The following GPAT3 variants were observed in gnomAD, a reference collection of about 807,000 sequenced individuals.
GPAT3 encodes the protein 1-AGP acyltransferase 9.
Under a neutral mutation model 58.8 loss-of-function variants are expected in GPAT3, and 53 were observed. That is an observed-to-expected ratio of 0.90 (90% CI 0.72 to 1.13). The LOEUF (loss-of-function observed/expected upper bound fraction) is 1.13, where lower values mean the gene tolerates loss of function less well. Among genes scored for constraint, GPAT3 ranks in the 50% most tolerant of loss-of-function variants. The probability of loss-of-function intolerance (pLI) is 0.00; values close to 1 mark genes in which losing one functional copy is unlikely to be tolerated. For missense variants in GPAT3, 511 were observed against 527.6 expected (o/e 0.97, Z 0.31); for synonymous variants, 197 against 187.4 (o/e 1.05, Z -0.42).
chr4:83,537,317 A>G (rs932822158), intron 1 of GPAT3, among the ~76,000 whole-genome samples: 1 of 152,150 alleles, frequency 6.6e-6, no homozygotes, highest in Non-Finnish European at 1.5e-5. Flanking sequence ...ATGCCATTGA[A>G]AAGGTATATA....
At chr4:83,542,456 T>C (rs1560600191) in intron 1 of GPAT3, among the ~76,000 whole-genome samples, 1 of 152,208 alleles carries the variant, frequency 6.6e-6, no homozygotes. Context: ...AGTTGGGAGA[T>C]TGGCCTCTAT....
intron 11 of GPAT3, among the ~76,000 whole-genome samples, chr4:83,602,011 T>C (rs986208270): frequency 6.6e-6 from 1 of 152,216 alleles, no homozygotes; most frequent in Admixed American, 6.5e-5. Context: ...TGTATTACAC[T>C]GTCTACATTG....
At chr4:83,588,101 C>A in intron 4 of GPAT3, 109 bp from the exon 5 acceptor site, 1 of 855,520 alleles carries the variant, frequency 1.2e-6, no homozygotes, top group Non-Finnish European at 1.9e-6. Flanking sequence ...TACCTGTTCA[C>A]CAGAATAGAA....
chr4:83,539,518 G>A (rs559834379), intron 1 of GPAT3, among the ~76,000 whole-genome samples: 1 of 152,360 alleles, frequency 6.6e-6, no homozygotes, highest in South Asian at 2.1e-4. Flanking sequence ...AAGTTGAAAT[G>A]TGTGTAGGGT....
At position 83,536,527 on chromosome 4, in the gene GPAT3, C is replaced by A; in HGVS notation, c.-96C>A. 6.6e-7 allele frequency: 1 copy of A among 1,516,232 alleles called. No individual in the cohort carries two copies. Among genetic ancestry groups the A allele is most frequent in the South Asian group, 1.3e-5 (1 of 76,006 alleles). The allele number at this position is 1,516,232 out of a possible 1,614,324, so 93.9% of individuals were successfully genotyped here. A position where few individuals can be genotyped will look rare whatever the true frequency, so the allele number is the denominator to read the frequency against. ...AGAGGTGAGTGCCGGGCTCGGCGCTCTGCTCCTGGAGCTCCCGCGGGACTG... is the reference window on the plus strand; with the variant it reads ...AGAGGTGAGTGCCGGGCTCGGCGCTATGCTCCTGGAGCTCCCGCGGGACTG... On this transcript the variant is annotated 5_prime_UTR_variant, in exon 1 of 12. It adds an upstream start codon to the 5' untranslated region. Coordinates refer to ENST00000264409, the MANE Select transcript of GPAT3 (RefSeq NM_032717.5).
intron 6 of GPAT3, among the ~76,000 whole-genome samples, chr4:83,593,347 G>C (rs1726682281): frequency 6.6e-6 from 1 of 151,466 alleles, no homozygotes; most frequent in Non-Finnish European, 1.5e-5. Context: ...GTAGTTTGTA[G>C]TAGAGATGGG....
At chr4:83,580,765 G>T (rs1197263238) in intron 2 of GPAT3, among the ~76,000 whole-genome samples, 1 of 151,940 alleles carries the variant, frequency 6.6e-6, no homozygotes, top group African/African-American at 2.4e-5. Flanking sequence ...TTACTTTTAT[G>T]CAGGAGGCTG....
At chr4:83,603,623 T>A (rs1296284507) in intron 11 of GPAT3, among the ~76,000 whole-genome samples, 2 of 151,966 alleles carry the variant, frequency 1.3e-5, no homozygotes, top group Non-Finnish European at 2.9e-5. Flanking sequence ...AAACCCTGTC[T>A]CTATTAAAAA....
rs114972171 is a variant in GPAT3 at position 83,604,954 on chromosome 4, C to T, written c.*187C>T. On this transcript the variant is annotated 3_prime_UTR_variant, in exon 12 of 12. Coordinates refer to ENST00000264409, the MANE Select transcript of GPAT3 (RefSeq NM_032717.5). ...TTTTTGGCTTTTGTTGTTGTTGTAACATTAGCCCCATGGATTGTAAGGTGG... is the reference window on the plus strand; with the variant it reads ...TTTTTGGCTTTTGTTGTTGTTGTAATATTAGCCCCATGGATTGTAAGGTGG... 972 of 538,226 alleles carry T rather than the reference C, an allele frequency of 1.8e-3. 4 individuals are homozygous for T. Among genetic ancestry groups the T allele is most frequent in the African/African-American group, 0.014 (724 of 52,286 alleles). The allele number at this position is 538,226 out of a possible 1,614,324, so 33.3% of individuals were successfully genotyped here.
intron 2 of GPAT3, among the ~76,000 whole-genome samples, chr4:83,565,012 G>A (rs115295196): frequency 0.015 from 2,189 of 150,752 alleles, 52 homozygotes; most frequent in African/African-American, 0.051. Flanking sequence ...TCTAGTTGTC[G>A]CAACACTCTG....
At chr4:83,555,256 A>G (rs1239537128) in intron 2 of GPAT3, among the ~76,000 whole-genome samples, 2 of 152,172 alleles carry the variant, frequency 1.3e-5, no homozygotes, top group Non-Finnish European at 2.9e-5. Context: ...TGATGAGATG[A>G]CTGGTGGCTG....
intron 2 of GPAT3, among the ~76,000 whole-genome samples, chr4:83,558,193 G>A (rs1725007018): frequency 6.6e-6 from 1 of 151,550 alleles, no homozygotes; most frequent in African/African-American, 2.4e-5. Context: ...CAGCCTAGGC[G>A]ACACAGCAAG....
intron 2 of GPAT3, among the ~76,000 whole-genome samples, chr4:83,575,579 AT>A (rs1385742509): frequency 6.6e-6 from 1 of 151,020 alleles, no homozygotes; most frequent in Non-Finnish European, 1.5e-5. Context: ...CGCCTGGCTA[AT>A]TTTTTTTGTA....
chr4:83,581,222 C>G (rs1366502360), intron 2 of GPAT3, among the ~76,000 whole-genome samples: 1 of 150,700 alleles, frequency 6.6e-6, no homozygotes. Context: ...TTTACACAAT[C>G]TAGAGTTATA....
chr4:83,553,904 AAAAT>A (rs1724850030), intron 2 of GPAT3, among the ~76,000 whole-genome samples: 3 of 151,892 alleles, frequency 2.0e-5, no homozygotes, highest in South Asian at 2.1e-4. Context: ...ATAAAATAAA[AAAAT>A]AAATAAAATA....
chr4:83,568,730 A>G (rs920725518), intron 2 of GPAT3, among the ~76,000 whole-genome samples: 3 of 152,014 alleles, frequency 2.0e-5, no homozygotes, highest in Non-Finnish European at 4.4e-5. Context: ...GATAGGCTCG[A>G]TCTCCTGACA....
At chr4:83,585,867 G>A (rs575948489) in intron 3 of GPAT3, among the ~76,000 whole-genome samples, 3 of 152,160 alleles carry the variant, frequency 2.0e-5, no homozygotes, top group African/African-American at 4.8e-5. Flanking sequence ...GATTGTAGCC[G>A]TGAGACACTG....
At chr4:83,547,402 G>A (rs559842453) in intron 2 of GPAT3, among the ~76,000 whole-genome samples, 2,768 of 151,520 alleles carry the variant, frequency 0.018, 36 homozygotes, top group Non-Finnish European at 0.027. Flanking sequence ...ACAGGTGCCC[G>A]CCACCACGCC....
chr4:83,537,625 G>GTGTGTGTGTGTGTGTATA (rs138199995), intron 1 of GPAT3, among the ~76,000 whole-genome samples: 3 of 147,694 alleles, frequency 2.0e-5, no homozygotes, highest in African/African-American at 7.6e-5. Context: ...GTGTGTGTGT[G>GTGTGTGTGTGTGTGTATA]TATATTTAAC....
Sources: gnomAD v4.1 joint callset for allele counts (sites outside exome capture counted in the v4.1 genomes callset) on GRCh38, gnomAD v4.1.1 for gene constraint, MANE v1.5 for transcripts, NCBI Gene and HGNC (gene_info 2026-07-23, HGNC 2026-07-21) for gene names.